EDA: variants seen among roughly 807,000 people sequenced by gnomAD.
EDA encodes ectodysplasin A, also known as ectodysplasin-A.
EDA carries 2 observed loss-of-function variants against 23.6 expected under a neutral mutation model. That is an observed-to-expected ratio of 0.08 (90% confidence interval 0.03 to 0.27). The LOEUF is 0.27. Among genes scored for constraint, EDA ranks in the 10% least tolerant of loss-of-function variants. The pLI is 1.00. For missense variants in EDA, 229 were observed against 324.2 expected, an observed-to-expected ratio of 0.71 and a Z score of 2.26; for synonymous variants, 131 against 132.0, an observed-to-expected ratio of 0.99 and a Z score of 0.05.
At chrX:69,855,178 T>G (rs2017218748) in intron 1 of EDA, among the ~76,000 whole-genome samples, 1 of 111,683 alleles carries the variant, frequency 9.0e-6, no homozygotes, top group Non-Finnish European at 1.9e-5. Context: ...CTTATAATTT[T>G]AAGTTCCTTA....
chrX:69,780,918 C>A (rs2014922715), intron 1 of EDA, among the ~76,000 whole-genome samples: 1 of 111,414 alleles, frequency 9.0e-6, no homozygotes, highest in Non-Finnish European at 1.9e-5. Context: ...CAGACTAATA[C>A]ACCTGGCAAC....
chrX:70,038,122 G>C lies in EDA; in HGVS notation c.*2513G>C, dbSNP rs3764746. Reference sequence around the variant, plus strand: ...AGGGATGGAGGGAAGACCTGAAAGAGAGGACTGGTTCTGAGGCCAGAAAGG... The same window carrying C: ...AGGGATGGAGGGAAGACCTGAAAGACAGGACTGGTTCTGAGGCCAGAAAGG... On this transcript the variant is annotated 3_prime_UTR_variant, in exon 8 of 8. Coordinates refer to ENST00000374552, the MANE Select transcript of EDA (RefSeq NM_001399.5). The C allele has an allele frequency of 0.084, 9,379 of 111,175 alleles. 518 individuals are homozygous for C. The highest frequency in any genetic ancestry group is 0.22 in the South Asian group (559 of 2,588). The allele number at this position is 111,175 out of a possible 1,213,427, so 9.2% of individuals were successfully genotyped here. A position where few individuals can be genotyped will look rare whatever the true frequency, so the allele number is the denominator to read the frequency against.
chrX:69,761,903 A>G (rs1385411900), intron 1 of EDA, among the ~76,000 whole-genome samples: 1 of 111,557 alleles, frequency 9.0e-6, no homozygotes, highest in Non-Finnish European at 1.9e-5. Flanking sequence ...AAGAGTGACT[A>G]TGCGTTGAAT....
At chrX:69,662,008 C>A (rs1287274239) in intron 1 of EDA, among the ~76,000 whole-genome samples, 1 of 110,979 alleles carries the variant, frequency 9.0e-6, no homozygotes, top group Non-Finnish European at 1.9e-5. Context: ...TAGCATGAAT[C>A]CCAAATACAG....
chrX:69,708,402 G>A (rs144283657), intron 1 of EDA, among the ~76,000 whole-genome samples: 1 of 111,302 alleles, frequency 9.0e-6, no homozygotes, highest in African/African-American at 3.3e-5. Flanking sequence ...TGTGAAGTTG[G>A]GCTTTTGGTT....
chrX:70,032,500 C>T (rs1292971505), intron 6 of EDA, among the ~76,000 whole-genome samples: 1 of 111,363 alleles, frequency 9.0e-6, no homozygotes, highest in Non-Finnish European at 1.9e-5. Flanking sequence ...GGATGGATGG[C>T]TTAGAGGGGA....
intron 7 of EDA, among the ~76,000 whole-genome samples, chrX:70,033,820 C>T (rs776011447): frequency 4.0e-4 from 45 of 111,854 alleles, no homozygotes; most frequent in African/African-American, 1.4e-3. Context: ...GCCTCAGGCC[C>T]CTGTTTACCC....
chrX:69,936,201 A>G (rs1009957928), intron 1 of EDA, among the ~76,000 whole-genome samples: 3 of 110,367 alleles, frequency 2.7e-5, no homozygotes, highest in Non-Finnish European at 5.7e-5. Flanking sequence ...CAACAAATCA[A>G]GAGCATCATA....
intron 1 of EDA, among the ~76,000 whole-genome samples, chrX:69,953,322 C>A (rs2018954729): frequency 8.9e-6 from 1 of 111,948 alleles, no homozygotes. Context: ...GAAGTTTAAG[C>A]ACTCAAAAAC....
intron 1 of EDA, among the ~76,000 whole-genome samples, chrX:69,936,923 A>G (rs5936522): frequency 0.37 from 41,097 of 109,718 alleles, 5,984 homozygotes; most frequent in East Asian, 0.77. Context: ...AATTTAACCT[A>G]AATGTGTTTT....
At chrX:69,633,747 A>T (rs980538404) in intron 1 of EDA, among the ~76,000 whole-genome samples, 1 of 112,195 alleles carries the variant, frequency 8.9e-6, no homozygotes, top group South Asian at 3.7e-4. Context: ...CCTTTTATTT[A>T]TCTATTTTGT....
intron 1 of EDA, among the ~76,000 whole-genome samples, chrX:69,639,016 G>A (rs750919927): frequency 1.8e-5 from 2 of 109,062 alleles, no homozygotes; most frequent in African/African-American, 6.7e-5. Flanking sequence ...CATGTAAGTG[G>A]AGTCATACAC....
Position 69,888,978 on chromosome X carries a change from T to TATATATA in EDA, c.397-68049_397-68048insATATATA, listed in dbSNP as rs1556026049. ...GTGGAATTGTTGTATTGTGGGGTAGTTATATATATATATATATATATATAT... is the reference window on the plus strand; with the variant it reads ...GTGGAATTGTTGTATTGTGGGGTAGTATATATATATATATATATATATATATATATAT... On this transcript the variant is annotated intron_variant, in intron 1 of 7. Coordinates refer to ENST00000374552, the MANE Select transcript of EDA (RefSeq NM_001399.5). 4.5e-3 allele frequency among the ~76,000 whole-genome samples: 72 copies of TATATATA among 16,013 alleles called. 5 individuals are homozygous for TATATATA. The highest frequency in any genetic ancestry group is 5.6e-3 in the South Asian group (1 of 177). 13.9% of individuals were successfully genotyped at this position (16,013 alleles called of 115,157 possible). A position where few individuals can be genotyped will look rare whatever the true frequency, so the allele number is the denominator to read the frequency against.
chrX:69,746,464 G>A (rs2013624203), intron 1 of EDA, among the ~76,000 whole-genome samples: 1 of 111,180 alleles, frequency 9.0e-6, no homozygotes, highest in Admixed American at 9.6e-5. Context: ...TGGAGACCTG[G>A]GTATGATTTT....
At position 69,894,089 on chromosome X, in the gene EDA, G is replaced by A. The variant is rs112760009; in HGVS notation, c.397-62938G>A. ...CTATTTTGAGTTGATTTTTGTATAT[G>A]GTATAAGAAAGGGGTCCAGTTTCAA... On this transcript the variant is annotated intron_variant, in intron 1 of 7. Transcript: ENST00000374552. Among the ~76,000 whole-genome samples, 476 of 111,729 alleles carry A rather than the reference G, an allele frequency of 4.3e-3. 2 individuals carry two copies. The highest frequency in any genetic ancestry group is 9.2e-3 in the Middle Eastern group (2 of 218).
chrX:69,696,437 A>G (rs1056309796), intron 1 of EDA, among the ~76,000 whole-genome samples: 28 of 111,643 alleles, frequency 2.5e-4, no homozygotes, highest in African/African-American at 9.1e-4. Context: ...CAAACCTTCT[A>G]TAATCTTTTT....
chrX:69,634,367 C>T (rs939751761), intron 1 of EDA, among the ~76,000 whole-genome samples: 6 of 111,384 alleles, frequency 5.4e-5, no homozygotes, highest in Admixed American at 1.9e-4. Flanking sequence ...GGCGGGAGTG[C>T]GGTGGCATGA....
chrX:69,783,346 T>A (rs1386361470), intron 1 of EDA, among the ~76,000 whole-genome samples: 1 of 110,348 alleles, frequency 9.1e-6, no homozygotes, highest in Non-Finnish European at 1.9e-5. Context: ...TGCAGGTTAG[T>A]TACATATGTA....
intron 1 of EDA, among the ~76,000 whole-genome samples, chrX:69,869,278 A>G (rs2017530885): frequency 9.1e-6 from 1 of 109,513 alleles, no homozygotes; most frequent in Non-Finnish European, 1.9e-5. Context: ...CTGAGCTAAA[A>G]CTCCATTGAT....
Sources: allele counts gnomAD v4.1 joint callset (sites outside exome capture counted in the v4.1 genomes callset), GRCh38; gene constraint gnomAD v4.1.1; transcripts MANE v1.5; gene names NCBI Gene and HGNC (gene_info 2026-07-23, HGNC 2026-07-21).